The following PRR5L variants were observed in gnomAD, a reference collection of about 807,000 sequenced individuals.
PRR5L encodes the protein proline-rich protein 5-like.
In PRR5L, 21 loss-of-function variants were observed where a neutral mutation model predicts 36.4. The observed-to-expected ratio is 0.58, with a 90% CI of 0.41 to 0.83. PRR5L has a LOEUF of 0.83. Ranked by LOEUF, PRR5L falls within the 40% of genes least tolerant of loss-of-function variation. The probability of loss-of-function intolerance (pLI) is 0.00; values close to 1 mark genes in which losing one functional copy is unlikely to be tolerated. For synonymous variants in PRR5L, 188 were observed against 197.0 expected (o/e 0.95, Z 0.38); for missense variants, 381 against 473.3 (o/e 0.80, Z 1.81).
intron 5 of PRR5L, among the ~76,000 whole-genome samples, chr11:36,432,587 T>C (rs1590583926): frequency 1.3e-5 from 2 of 152,272 alleles, no homozygotes; most frequent in East Asian, 1.9e-4. Flanking sequence ...TGACTTTTGG[T>C]TAGTTACTAG....
At chr11:36,450,571 C>T (rs956238421) in intron 7 of PRR5L, among the ~76,000 whole-genome samples, 2 of 152,172 alleles carry the variant, frequency 1.3e-5, no homozygotes, top group African/African-American at 2.4e-5. Flanking sequence ...TTCATCTTGG[C>T]GCTAAAACTA....
chr11:36,370,816 G>A (rs1857189973), intron 1 of PRR5L, among the ~76,000 whole-genome samples: 1 of 144,614 alleles, frequency 6.9e-6, no homozygotes, highest in Middle Eastern at 3.6e-3. Context: ...CGGAGGTGGA[G>A]GTTGCAGTGA....
Position 36,377,033 on chromosome 11 carries a change from G to A in PRR5L, c.-125-23964G>A, listed in dbSNP as rs1443858057. Among the ~76,000 whole-genome samples the A allele has an allele frequency of 1.3e-5, 2 of 152,140 alleles. No homozygotes were observed. Among genetic ancestry groups the A allele is most frequent in the East Asian group, 1.9e-4 (1 of 5,160 alleles). ...GGGATGCGGATGCTGGTGATCATGGGACCTAGGCTGAGCCGGGAGGTCGAA... is the reference window on the plus strand; with the variant it reads ...GGGATGCGGATGCTGGTGATCATGGAACCTAGGCTGAGCCGGGAGGTCGAA... On this transcript the variant is annotated intron_variant, in intron 1 of 8. Coordinates refer to ENST00000530639, the MANE Select transcript of PRR5L (RefSeq NM_001160167.2). This position sits in a 1 kb window ranked among gnomAD's most constrained non-coding sequence, Gnocchi z 5.1.
intron 1 of PRR5L, among the ~76,000 whole-genome samples, chr11:36,297,105 T>G (rs1231070385): frequency 6.6e-6 from 1 of 152,236 alleles, no homozygotes; most frequent in East Asian, 1.9e-4. Flanking sequence ...ATGAGGAAAT[T>G]GAAGTACGGA....
rs1216694251 is a variant in PRR5L, at chr11:36,377,046, C to T, written c.-125-23951C>T. On this transcript the variant is annotated intron_variant, in intron 1 of 8. Coordinates refer to ENST00000530639, the MANE Select transcript of PRR5L (RefSeq NM_001160167.2). This position sits in a 1 kb window ranked among gnomAD's most constrained non-coding sequence, Gnocchi z 5.1. ...TGGTGATCATGGGACCTAGGCTGAGCCGGGAGGTCGAAAAAGAAAGTCGGC... is the reference window on the plus strand; with the variant it reads ...TGGTGATCATGGGACCTAGGCTGAGTCGGGAGGTCGAAAAAGAAAGTCGGC... Among the ~76,000 whole-genome samples, 2 of 152,126 alleles carry T rather than the reference C, an allele frequency of 1.3e-5. No individual in the cohort carries two copies. Among genetic ancestry groups the T allele is most frequent in the South Asian group, 2.1e-4 (1 of 4,828 alleles).
intron 1 of PRR5L, among the ~76,000 whole-genome samples, chr11:36,324,719 CAA>C (rs2133466848): frequency 6.6e-6 from 1 of 152,052 alleles, no homozygotes; most frequent in Non-Finnish European, 1.5e-5. Flanking sequence ...AATCTGAAAA[CAA>C]ATACATATTT....
chr11:36,412,502 C>G lies in PRR5L; in HGVS notation c.246-6753C>G, dbSNP rs372532434. ...TAGAGTGGGAAAAGCGGAAGGAAGG[C>G]TGCCAGATTCTAGGCCTGAGCCTCA... On this transcript the variant is annotated intron_variant, in intron 3 of 8. Transcript: ENST00000530639. Among the ~76,000 whole-genome samples the G allele has an allele frequency of 2.8e-4, 43 of 152,274 alleles. No individual in the cohort carries two copies. In the South Asian group the frequency reaches 8.7e-3, roughly 31 times the overall value.
intron 3 of PRR5L, among the ~76,000 whole-genome samples, chr11:36,415,940 T>C (rs112779068): frequency 7.2e-5 from 11 of 152,326 alleles, no homozygotes; most frequent in African/African-American, 2.4e-4. Flanking sequence ...CTAAAATGTG[T>C]ATTCTTATTT....
intron 1 of PRR5L, among the ~76,000 whole-genome samples, chr11:36,312,335 T>C (rs1856512082): frequency 6.6e-6 from 1 of 152,108 alleles, no homozygotes; most frequent in African/African-American, 2.4e-5. Flanking sequence ...GAAGAAAAGA[T>C]GGGAAAGTAC....
At chr11:36,401,657 C>G (rs1235175381) in intron 2 of PRR5L, among the ~76,000 whole-genome samples, 2 of 152,122 alleles carry the variant, frequency 1.3e-5, no homozygotes, top group Non-Finnish European at 2.9e-5. Flanking sequence ...GCCTTGAACT[C>G]CTGGCCTCAA....
intron 8 of PRR5L, among the ~76,000 whole-genome samples, chr11:36,459,103 C>T (rs1225240472): frequency 6.6e-6 from 1 of 152,194 alleles, no homozygotes; most frequent in Non-Finnish European, 1.5e-5. Context: ...ATGGCCGTGC[C>T]TTCAAATTTA....
chr11:36,422,443 G>A (rs1372907375), intron 4 of PRR5L, among the ~76,000 whole-genome samples: 1 of 152,134 alleles, frequency 6.6e-6, no homozygotes, highest in Non-Finnish European at 1.5e-5. Flanking sequence ...GGTGAAAGAT[G>A]GGCTTCCTGG....
intron 1 of PRR5L, among the ~76,000 whole-genome samples, chr11:36,310,794 T>C (rs925337492): frequency 1.3e-5 from 2 of 151,896 alleles, no homozygotes; most frequent in Non-Finnish European, 2.9e-5. Context: ...GTCAGAAGAT[T>C]GAGACCATCC....
intron 1 of PRR5L, among the ~76,000 whole-genome samples, chr11:36,348,665 A>G (rs1856891909): frequency 6.6e-6 from 1 of 152,216 alleles, no homozygotes. Context: ...ATATTTTCAT[A>G]TTAATAGCTA....
chr11:36,303,191 A>G (rs1054061816), intron 1 of PRR5L, among the ~76,000 whole-genome samples: 1 of 152,230 alleles, frequency 6.6e-6, no homozygotes, highest in Admixed American at 6.5e-5. Context: ...GGTGATGGTG[A>G]CTTGAACTAA....
At chr11:36,359,523 G>A (rs779853477) in intron 1 of PRR5L, among the ~76,000 whole-genome samples, 25 of 152,128 alleles carry the variant, frequency 1.6e-4, no homozygotes, top group Non-Finnish European at 3.2e-4. Context: ...AGACACAAAT[G>A]TTTGTGATCA....
intron 1 of PRR5L, among the ~76,000 whole-genome samples, chr11:36,345,308 A>G (rs1856853754): frequency 6.6e-6 from 1 of 152,132 alleles, no homozygotes; most frequent in Admixed American, 6.5e-5. Context: ...TTAATGAATC[A>G]CAGAGAGATA....
chr11:36,343,519 T>C (rs557648763), intron 1 of PRR5L, among the ~76,000 whole-genome samples: 1 of 152,136 alleles, frequency 6.6e-6, no homozygotes, highest in Non-Finnish European at 1.5e-5. Context: ...AAAAAGACAG[T>C]GAACAAAGAC....
chr11:36,453,778 C>G (rs890258), intron 8 of PRR5L, among the ~76,000 whole-genome samples: 19,854 of 152,102 alleles, frequency 0.13, 1,572 homozygotes, highest in Non-Finnish European at 0.16. Context: ...TTCATCTTGA[C>G]TAGGGAATCA....
Sources: allele counts gnomAD v4.1 joint callset (sites outside exome capture counted in the v4.1 genomes callset), GRCh38; gene constraint gnomAD v4.1.1; non-coding constraint Gnocchi (gnomAD v3.1); transcripts MANE v1.5; gene names NCBI Gene and HGNC (gene_info 2026-07-23, HGNC 2026-07-21).